The following C7orf33 variants were observed in gnomAD, a reference collection of about 807,000 sequenced individuals.
C7orf33 encodes uncharacterized protein C7orf33.
A neutral mutation model predicts 13.4 loss-of-function variants in C7orf33; 15 were observed. The ratio of observed to expected loss-of-function variants is 1.12; its 90% CI spans 0.75 to 1.72. The LOEUF is 1.72. Ranked by LOEUF, C7orf33 falls within the 40% of genes most tolerant of loss-of-function variation. The pLI is 0.00. For synonymous variants in C7orf33, 73 were observed against 83.2 expected, an observed-to-expected ratio of 0.88 and a Z score of 0.67; for missense variants, 187 against 220.3, an observed-to-expected ratio of 0.85 and a Z score of 0.96.
chr7:148,608,614 A>T lies in C7orf33; in HGVS notation c.205-5428A>T, dbSNP rs189083883. ...GCAGACACCTGAGGTCAGGAGATCG[A>T]GACCATCCTGGCCAACATGGAGAAA... On this transcript the variant is annotated intron_variant, in intron 1 of 2. Transcript: ENST00000307003. 3.3e-5 allele frequency among the ~76,000 whole-genome samples: 5 copies of T among 151,994 alleles called. No homozygotes were observed. The East Asian group carries it at 9.7e-4, about 30-fold the overall frequency.
chr7:148,610,829 C>T (rs1289852392), intron 1 of C7orf33, among the ~76,000 whole-genome samples: 1 of 152,108 alleles, frequency 6.6e-6, no homozygotes, highest in Non-Finnish European at 1.5e-5. Context: ...AATTGCTCCC[C>T]CACCAAAAGG....
chr7:148,606,471 A>G (rs1321315416), intron 1 of C7orf33, among the ~76,000 whole-genome samples: 1 of 152,212 alleles, frequency 6.6e-6, no homozygotes, highest in African/African-American at 2.4e-5. Context: ...GGTAGCCCAC[A>G]GACCACTTTG....
intron 1 of C7orf33, among the ~76,000 whole-genome samples, chr7:148,599,881 C>T (rs1038452452): frequency 1.3e-5 from 2 of 152,216 alleles, no homozygotes; most frequent in Non-Finnish European, 2.9e-5. Flanking sequence ...CTCTGCCCTG[C>T]ACCTCAAGGA....
At chr7:148,595,619 T>TATATATATACATCTATATTATATAG (rs1796327349) in intron 1 of C7orf33, among the ~76,000 whole-genome samples, 1 of 128,942 alleles carries the variant, frequency 7.8e-6, no homozygotes. Context: ...ATATATATTA[T>TATATATATACATCTATATTATATAG]ATATAATATA....
intron 1 of C7orf33, among the ~76,000 whole-genome samples, chr7:148,593,935 T>C (rs188694245): frequency 2.2e-4 from 34 of 152,332 alleles, no homozygotes; most frequent in Admixed American, 2.0e-3. Context: ...ATGAATAGTT[T>C]AGCGCCATCC....
Position 148,590,969 on chromosome 7 carries a change from G to A in C7orf33, c.44G>A (p.Trp15Ter). 1 of 1,614,168 alleles carries A rather than the reference G, an allele frequency of 6.2e-7. No individual in the cohort carries two copies. Among genetic ancestry groups the A allele is most frequent in the Non-Finnish European group, 8.5e-7 (1 of 1,180,018 alleles). Residue 15 changes from tryptophan to a stop codon, truncating the protein, a stop_gained, in exon 1 of 3, where the codon TGG becomes TAG. Transcript: ENST00000307003. LOFTEE classifies it high-confidence loss of function. ...VQSLSLEECP[W>*]RLPGPQCECE... is the part of the protein sequence containing the mutation. ...AGCCTCAGCCTTGAAGAGTGTCCCT[G>A]GAGACTTCCAGGCCCCCAATGTGAA...
rs60559049 is a variant in C7orf33 at position 148,606,933 on chromosome 7, T to C, written c.205-7109T>C. ...GAATAGACCCCATTTAAAAAAAAAA[T>C]ACACACACACACACACACACACACA... On this transcript the variant is annotated intron_variant, in intron 1 of 2. Coordinates refer to ENST00000307003, the MANE Select transcript of C7orf33 (RefSeq NM_145304.4). Among the ~76,000 whole-genome samples, 232 of 139,278 alleles carry C rather than the reference T, an allele frequency of 1.7e-3. 2 individuals carry two copies. The highest frequency in any genetic ancestry group is 4.0e-3 in the African/African-American group (150 of 37,884). 91.4% of individuals were successfully genotyped at this position (139,278 alleles called of 152,430 possible).
chr7:148,604,912 A>C (rs73155989), intron 1 of C7orf33, among the ~76,000 whole-genome samples: 1 of 152,120 alleles, frequency 6.6e-6, no homozygotes, highest in African/African-American at 2.4e-5. Context: ...GTATATACAC[A>C]CATACAAAAA....
chr7:148,609,047 G>A (rs866203450), intron 1 of C7orf33, among the ~76,000 whole-genome samples: 33 of 151,062 alleles, frequency 2.2e-4, no homozygotes, highest in African/African-American at 8.0e-4. Context: ...GGAAGCAAAG[G>A]GGTTTTCATG....
chr7:148,596,802 C>T (rs1796344814), intron 1 of C7orf33, among the ~76,000 whole-genome samples: 1 of 152,140 alleles, frequency 6.6e-6, no homozygotes, highest in Non-Finnish European at 1.5e-5. Context: ...CTCCCTTCCT[C>T]CTTCCCCACT....
chr7:148,596,198 A>G (rs1447776293), intron 1 of C7orf33, among the ~76,000 whole-genome samples: 1 of 152,202 alleles, frequency 6.6e-6, no homozygotes, highest in Non-Finnish European at 1.5e-5. Context: ...CAGAAAATAG[A>G]GATTTCTGGT....
At chr7:148,614,398 C>T in intron 2 of C7orf33, 102 bp downstream of exon 2, 6 of 1,268,534 alleles carry the variant, frequency 4.7e-6, no homozygotes, top group Non-Finnish European at 6.6e-6. Flanking sequence ...TGCATTCTTG[C>T]ATGCCTGGAT....
chr7:148,610,110 T>C (rs944050071), intron 1 of C7orf33, among the ~76,000 whole-genome samples: 5 of 152,204 alleles, frequency 3.3e-5, no homozygotes, highest in Admixed American at 1.3e-4. Flanking sequence ...GAGAGTCATA[T>C]GAGGTATCTG....
rs76077460 is a variant in C7orf33, at chr7:148,601,562, G to A, written c.204+10433G>A. On this transcript the variant is annotated intron_variant, in intron 1 of 2. Transcript: ENST00000307003. ...GGGTCTCACCATGTTGCTCATGCTG[G>A]TCTTGAACTCCTGGACTCAAGCAAT... is the stretch of plus-strand genomic sequence containing the variant. Among the ~76,000 whole-genome samples, 1,325 of 152,182 alleles carry A rather than the reference G, an allele frequency of 8.7e-3. 20 individuals carry two copies. Among genetic ancestry groups the A allele is most frequent in the African/African-American group, 0.03 (1,245 of 41,508 alleles).
At chr7:148,591,828 AC>A (rs1164031207) in intron 1 of C7orf33, among the ~76,000 whole-genome samples, 20 of 151,938 alleles carry the variant, frequency 1.3e-4, no homozygotes, top group Admixed American at 1.3e-3. Context: ...CGATCCTCCC[AC>A]TTCAACATCC....
At chr7:148,606,922 T>C (rs1257211745) in intron 1 of C7orf33, among the ~76,000 whole-genome samples, 18 of 43,858 alleles carry the variant, frequency 4.1e-4, no homozygotes, top group Non-Finnish European at 9.9e-4. Context: ...AGACCCCATT[T>C]AAAAAAAAAA....
At position 148,592,302 on chromosome 7, in the gene C7orf33, C is replaced by T. The variant is rs1420273639; in HGVS notation, c.204+1173C>T. 5.9e-5 allele frequency among the ~76,000 whole-genome samples: 9 copies of T among 152,202 alleles called. No homozygotes were observed. The South Asian group carries it at 1.7e-3, about 28-fold the overall frequency. ...GCAGACAGCCCATGTCAGGGAAAGC[C>T]CATTTAGCATAAGAAGAGTAAAAAG... On this transcript the variant is annotated intron_variant, in intron 1 of 2. Coordinates refer to ENST00000307003, the MANE Select transcript of C7orf33 (RefSeq NM_145304.4).
chr7:148,599,764 C>T (rs1411950170), intron 1 of C7orf33, among the ~76,000 whole-genome samples: 3 of 152,144 alleles, frequency 2.0e-5, no homozygotes, highest in Admixed American at 6.5e-5. Context: ...TGAGCCACCA[C>T]GCCCAGCCTA....
intron 1 of C7orf33, among the ~76,000 whole-genome samples, chr7:148,607,249 C>T (rs1442969764): frequency 6.6e-6 from 1 of 152,166 alleles, no homozygotes; most frequent in Non-Finnish European, 1.5e-5. Flanking sequence ...CCTCTGGCTC[C>T]TACTCCTGGC....
Sources: gnomAD v4.1 joint callset for allele counts (sites outside exome capture counted in the v4.1 genomes callset) on GRCh38, gnomAD v4.1.1 for gene constraint, MANE v1.5 for transcripts, NCBI Gene and HGNC (gene_info 2026-07-23, HGNC 2026-07-21) for gene names.